FAM47E: variants seen among roughly 807,000 people sequenced by gnomAD.
FAM47E encodes the protein protein FAM47E.
Under a neutral mutation model 41.6 loss-of-function variants are expected in FAM47E, and 32 were observed. That is an observed-to-expected ratio of 0.77 (90% CI 0.58 to 1.03). The LOEUF (loss-of-function observed/expected upper bound fraction) is 1.03. Ranked by LOEUF, FAM47E falls within the 50% of genes least tolerant of loss-of-function variation. The pLI is 0.00. For missense variants in FAM47E, 424 were observed against 485.4 expected (o/e 0.87, Z 1.19); for synonymous variants, 184 against 188.7 (o/e 0.98, Z 0.20).
At chr4:76,216,582 G>A (rs1278630192) in intron 1 of FAM47E, among the ~76,000 whole-genome samples, 2 of 152,240 alleles carry the variant, frequency 1.3e-5, no homozygotes, top group Non-Finnish European at 2.9e-5. Context: ...TGGGGATGGA[G>A]AGATGGAGAC....
intron 2 of FAM47E, among the ~76,000 whole-genome samples, chr4:76,226,913 CTT>C (rs558934891): frequency 1.3e-5 from 2 of 152,102 alleles, no homozygotes; most frequent in African/African-American, 4.8e-5. Context: ...AATCTTCTCT[CTT>C]CTTTTCTTGG....
At chr4:76,252,882 A>G (rs1175814519) in intron 1 of FAM47E, among the ~76,000 whole-genome samples, 2 of 152,196 alleles carry the variant, frequency 1.3e-5, no homozygotes, top group Non-Finnish European at 2.9e-5. Context: ...AGAATATGCT[A>G]ATTGAACTAG....
At chr4:76,272,496 T>A (rs66820534) in intron 5 of FAM47E, among the ~76,000 whole-genome samples, 23,140 of 152,210 alleles carry the variant, frequency 0.15, 1,792 homozygotes, top group African/African-American at 0.17. Flanking sequence ...TACTTCAATA[T>A]TTGGGACATA....
At chr4:76,219,430 G>T (rs1242664877) in intron 2 of FAM47E, among the ~76,000 whole-genome samples, 1 of 152,212 alleles carries the variant, frequency 6.6e-6, no homozygotes, top group Non-Finnish European at 1.5e-5. Context: ...AGCTTGGGTT[G>T]GGTTTAAACT....
At chr4:76,276,037 G>GACAGACACAC (rs1553957135) in intron 5 of FAM47E, among the ~76,000 whole-genome samples, 4,349 of 62,186 alleles carry the variant, frequency 0.07, 74 homozygotes, top group Non-Finnish European at 0.11. Context: ...CAGACAGACA[G>GACAGACACAC]ACACACACAC....
chr4:76,232,553 T>G (rs992300127), intron 2 of FAM47E, among the ~76,000 whole-genome samples: 2 of 152,242 alleles, frequency 1.3e-5, no homozygotes, highest in Non-Finnish European at 2.9e-5. Context: ...ACAACCTTAA[T>G]TATGATTGGT....
intron 1 of FAM47E, 106 bp from the exon 2 acceptor site, chr4:76,256,072 C>T (rs2110005019): frequency 7.6e-7 from 1 of 1,317,768 alleles, no homozygotes. Context: ...ACCCTAAAAG[C>T]TGGAGACCAG....
At chr4:76,238,620 G>A (rs528022343) in intron 2 of FAM47E, among the ~76,000 whole-genome samples, 7 of 152,180 alleles carry the variant, frequency 4.6e-5, no homozygotes, top group Non-Finnish European at 1.0e-4. Context: ...TATTGCACCT[G>A]CTTAGGTTCA....
intron 2 of FAM47E, among the ~76,000 whole-genome samples, chr4:76,246,248 G>A (rs961045898): frequency 8.5e-5 from 13 of 152,320 alleles, no homozygotes; most frequent in African/African-American, 2.9e-4. Context: ...CTCTCTACAA[G>A]ATCAGCAACT....
chr4:76,268,491 C>T (rs763391543), intron 3 of FAM47E, 169 bp from the exon 4 acceptor site: 2 of 599,974 alleles, frequency 3.3e-6, no homozygotes, highest in East Asian at 3.0e-5. Flanking sequence ...TTATGATATT[C>T]GTAATGAGAA....
intron 2 of FAM47E, among the ~76,000 whole-genome samples, chr4:76,228,249 G>A (rs922634658): frequency 5.3e-5 from 8 of 152,008 alleles, no homozygotes; most frequent in African/African-American, 1.7e-4. Flanking sequence ...AGGCTGAGGG[G>A]GGTGCAGATC....
At chr4:76,262,967 A>G (rs1028602646) in intron 2 of FAM47E, among the ~76,000 whole-genome samples, 2 of 151,924 alleles carry the variant, frequency 1.3e-5, no homozygotes, top group African/African-American at 4.9e-5. Flanking sequence ...AGGTCTTGCT[A>G]TGTTGCCCAG....
intron 2 of FAM47E, among the ~76,000 whole-genome samples, chr4:76,224,391 A>G (rs1348349760): frequency 2.6e-5 from 4 of 152,138 alleles, no homozygotes; most frequent in Non-Finnish European, 2.9e-5. Context: ...AGAAATGGAG[A>G]GAGGAGGGGC....
intron 2 of FAM47E, among the ~76,000 whole-genome samples, chr4:76,258,217 T>A (rs1351589776): frequency 6.6e-6 from 1 of 152,210 alleles, no homozygotes; most frequent in Non-Finnish European, 1.5e-5. Flanking sequence ...GATCCAGGTT[T>A]AAGCCCTACC....
intron 2 of FAM47E, among the ~76,000 whole-genome samples, chr4:76,242,723 T>C (rs972766717): frequency 6.6e-6 from 1 of 152,224 alleles, no homozygotes; most frequent in African/African-American, 2.4e-5. Flanking sequence ...TCTAAAGATT[T>C]AGTATGAAAA....
chr4:76,233,208 T>C (rs1733522397), intron 2 of FAM47E, among the ~76,000 whole-genome samples: 1 of 152,240 alleles, frequency 6.6e-6, no homozygotes, highest in African/African-American at 2.4e-5. Flanking sequence ...TGGTAAGTTG[T>C]TCTAATTGTG....
At chr4:76,269,031 T>C (rs943022761) in intron 4 of FAM47E, 4 of 436,370 alleles carry the variant, frequency 9.2e-6, no homozygotes, top group Admixed American at 4.2e-5. Flanking sequence ...ACATCTCACA[T>C]CATTGCAGCT....
At chr4:76,220,624 TAAAG>T (rs944241652) in intron 2 of FAM47E, among the ~76,000 whole-genome samples, 14 of 152,340 alleles carry the variant, frequency 9.2e-5, no homozygotes, top group African/African-American at 2.9e-4. Context: ...TCCTGTCTCT[TAAAG>T]AAAGAATGAA....
intron 5 of FAM47E, among the ~76,000 whole-genome samples, chr4:76,273,358 A>G (rs1157480299): frequency 6.6e-6 from 1 of 152,232 alleles, no homozygotes; most frequent in Non-Finnish European, 1.5e-5. Flanking sequence ...AGAGAGCAAA[A>G]ACATGGATAA....
Sources: gnomAD v4.1 joint callset for allele counts (sites outside exome capture counted in the v4.1 genomes callset) on GRCh38, gnomAD v4.1.1 for gene constraint, MANE v1.5 for transcripts, NCBI Gene and HGNC (gene_info 2026-07-23, HGNC 2026-07-21) for gene names.